Variants in RELL1 observed in about 807,000 individuals in gnomAD.
RELL1 encodes RELT-like protein 1.
Under a neutral mutation model 23.0 loss-of-function variants are expected in RELL1, and 10 were observed. The ratio of observed to expected loss-of-function variants is 0.43; its 90% CI spans 0.27 to 0.74. RELL1 has a LOEUF of 0.74. Among genes scored for constraint, RELL1 ranks in the 30% least tolerant of loss-of-function variants. The pLI is 0.19. For synonymous variants in RELL1, 146 were observed against 146.8 expected, an observed-to-expected ratio of 0.99 and a Z score of 0.04; for missense variants, 315 against 364.4, an observed-to-expected ratio of 0.86 and a Z score of 1.10.
At chr4:37,677,460 C>T (rs985769778) in intron 1 of RELL1, among the ~76,000 whole-genome samples, 1 of 152,176 alleles carries the variant, frequency 6.6e-6, no homozygotes, top group African/African-American at 2.4e-5. Context: ...CAAAGAGCCA[C>T]GAGAAGATGA....
intron 6 of RELL1, among the ~76,000 whole-genome samples, chr4:37,597,466 C>A (rs997603586): frequency 1.3e-5 from 2 of 152,208 alleles, no homozygotes; most frequent in Admixed American, 6.5e-5. Flanking sequence ...AAATCCATTT[C>A]TAGGTCCAAC....
rs746504007 is a variant in RELL1, at chr4:37,635,100, C to T, written c.467G>A (p.Gly156Glu). Residue 156 changes from glycine (G) to glutamate (E), a missense_variant, in exon 5 of 7, where the codon GGG (glycine) becomes GAG (glutamate). By Grantham distance (98) the Gly-to-Glu change is moderately conservative. Transcript: ENST00000454158. Reference protein sequence around the residue: ...PESPVTPSTPGSPPVSPGPLS... With the variant: ...PESPVTPSTPESPPVSPGPLS... ...AGGCCCAGGACTCACTGGCGGGCTC[C>T]CTGGTGTGCTGGGGGTCACGGGGCT... 2 of 1,614,104 alleles carry T rather than the reference C, an allele frequency of 1.2e-6. No homozygotes were observed. Among genetic ancestry groups the T allele is most frequent in the Non-Finnish European group, 1.7e-6 (2 of 1,180,026 alleles).
At position 37,613,322 on chromosome 4, in the gene RELL1, G is replaced by C. The variant is rs1261859038; in HGVS notation, c.*24C>G. On this transcript the variant is annotated 3_prime_UTR_variant, in exon 7 of 7. Transcript: ENST00000454158. Reference sequence around the variant, plus strand: ...TCATATAAGTTTTCAGTCTCTTAGAGCTCTTCAAGTCAAGTCATTGCTGCA... The same window carrying C: ...TCATATAAGTTTTCAGTCTCTTAGACCTCTTCAAGTCAAGTCATTGCTGCA... The C allele has an allele frequency of 2.6e-5, 4 of 152,158 alleles. No individual in the cohort carries two copies. Among genetic ancestry groups the C allele is most frequent in the Non-Finnish European group, 5.9e-5 (4 of 68,030 alleles). The allele number at this position is 152,158 out of a possible 1,614,324, so 9.4% of individuals were successfully genotyped here. A position where few individuals can be genotyped will look rare whatever the true frequency, so the allele number is the denominator to read the frequency against.
intron 3 of RELL1, among the ~76,000 whole-genome samples, chr4:37,640,386 T>C (rs1321952475): frequency 6.6e-6 from 1 of 152,228 alleles, no homozygotes; most frequent in East Asian, 1.9e-4. Context: ...AATCCAGTAA[T>C]GTCAGTTAAT....
chr4:37,595,328 G>A (rs183709105), intron 6 of RELL1, among the ~76,000 whole-genome samples: 50 of 152,188 alleles, frequency 3.3e-4, no homozygotes, highest in East Asian at 1.9e-3. Context: ...TGTGTTGATC[G>A]TAGATGATGC....
chr4:37,612,586 G>C lies in RELL1; in HGVS notation c.*760C>G, dbSNP rs1454925366. Among the ~76,000 whole-genome samples, 3 of 148,402 alleles carry C rather than the reference G, an allele frequency of 2.0e-5. No individual in the cohort carries two copies. Among genetic ancestry groups the C allele is most frequent in the African/African-American group, 7.5e-5 (3 of 39,760 alleles). On this transcript the variant is annotated 3_prime_UTR_variant, in exon 7 of 7. Coordinates refer to ENST00000454158, the MANE Select transcript of RELL1 (RefSeq NM_001085400.2). ...GGGGAGGTGGAGATTGAGGTGAGTG[G>C]AGATTGTGCCACTGCACTCCAGCCT...
At chr4:37,660,072 C>T (rs562624278) in intron 1 of RELL1, among the ~76,000 whole-genome samples, 1 of 152,088 alleles carries the variant, frequency 6.6e-6, no homozygotes, top group East Asian at 1.9e-4. Flanking sequence ...ACACACACAC[C>T]CATTTTTATT....
At chr4:37,598,078 A>AATATATAT (rs138367525) in intron 6 of RELL1, among the ~76,000 whole-genome samples, 24,122 of 126,434 alleles carry the variant, frequency 0.19, 3,568 homozygotes, top group African/African-American at 0.39. Context: ...TATATATCAT[A>AATATATAT]ATATATATAT....
downstream of RELL1, among the ~76,000 whole-genome samples, chr4:37,609,925 G>A (rs556574533): frequency 6.6e-6 from 1 of 152,202 alleles, no homozygotes; most frequent in South Asian, 2.1e-4. Flanking sequence ...TGACAGCAAA[G>A]GATTTAGAAT....
Position 37,686,317 on chromosome 4 carries a change from G to A in RELL1, c.-30C>T. The A allele has an allele frequency of 6.8e-7, 1 of 1,468,252 alleles. No homozygotes were observed. Among genetic ancestry groups the A allele is most frequent in the Non-Finnish European group, 9.0e-7 (1 of 1,112,968 alleles). 91.0% of individuals were successfully genotyped at this position (1,468,252 alleles called of 1,614,324 possible). A position where few individuals can be genotyped will look rare whatever the true frequency, so the allele number is the denominator to read the frequency against. Reference sequence around the variant, plus strand: ...GCGTCGCTTCGCCCTCCTCCCCCAGGGCGCCGCGTCCCGCGCTCGGGAAGG... The same window carrying A: ...GCGTCGCTTCGCCCTCCTCCCCCAGAGCGCCGCGTCCCGCGCTCGGGAAGG... On this transcript the variant is annotated 5_prime_UTR_variant, in exon 1 of 7. Coordinates refer to ENST00000454158, the MANE Select transcript of RELL1 (RefSeq NM_001085400.2).
At chr4:37,622,799 C>CTTTTTTTTTTT in intron 6 of RELL1, 1 of 391,420 alleles carries the variant, frequency 2.6e-6, no homozygotes, top group Non-Finnish European at 5.0e-6. Context: ...TCAAGTAATG[C>CTTTTTTTTTTT]TTTTTTTTTT....
chr4:37,607,026 C>T (rs898965979), downstream of RELL1, among the ~76,000 whole-genome samples: 1 of 152,154 alleles, frequency 6.6e-6, no homozygotes, highest in African/African-American at 2.4e-5. Flanking sequence ...TGTCCCTTCC[C>T]TTATGCAAAA....
chr4:37,607,629 G>T (rs1719264454), downstream of RELL1, among the ~76,000 whole-genome samples: 1 of 150,252 alleles, frequency 6.7e-6, no homozygotes, highest in Non-Finnish European at 1.5e-5. Context: ...GCCCAGGCAG[G>T]AGTGCAGCGG....
At chr4:37,658,336 G>C (rs964264639) in intron 1 of RELL1, among the ~76,000 whole-genome samples, 12 of 152,156 alleles carry the variant, frequency 7.9e-5, no homozygotes, top group African/African-American at 2.2e-4. Flanking sequence ...GAACAGTTTA[G>C]GGTGAGATGG....
At chr4:37,666,274 A>G (rs2109302845) in intron 1 of RELL1, among the ~76,000 whole-genome samples, 2 of 152,314 alleles carry the variant, frequency 1.3e-5, no homozygotes, top group South Asian at 4.1e-4. Context: ...CATTTGAACC[A>G]AGGTCTGTTG....
intron 1 of RELL1, among the ~76,000 whole-genome samples, chr4:37,673,465 T>A (rs1431034359): frequency 6.6e-6 from 1 of 152,186 alleles, no homozygotes; most frequent in Non-Finnish European, 1.5e-5. Flanking sequence ...GTGCTGAGAT[T>A]ACAGGCGTGA....
intron 6 of RELL1, among the ~76,000 whole-genome samples, chr4:37,624,862 G>C (rs949173501): frequency 6.6e-6 from 1 of 152,144 alleles, no homozygotes; most frequent in Non-Finnish European, 1.5e-5. Context: ...GATGTAAAAA[G>C]GAATTCACAG....
At chr4:37,637,722 T>A (rs959637564) in intron 4 of RELL1, among the ~76,000 whole-genome samples, 6 of 152,226 alleles carry the variant, frequency 3.9e-5, no homozygotes, top group Non-Finnish European at 8.8e-5. Context: ...CAGCACACAG[T>A]AGGCATCCAA....
downstream of RELL1, among the ~76,000 whole-genome samples, chr4:37,587,100 G>T (rs1466247350): frequency 1.3e-5 from 2 of 152,060 alleles, no homozygotes; most frequent in African/African-American, 4.8e-5. Flanking sequence ...AGCTTGGGGG[G>T]CTGCCAGTAC....
Sources: allele counts gnomAD v4.1 joint callset (sites outside exome capture counted in the v4.1 genomes callset), GRCh38; gene constraint gnomAD v4.1.1; transcripts MANE v1.5; gene names NCBI Gene and HGNC (gene_info 2026-07-23, HGNC 2026-07-21).